The following IL7 variants were observed in gnomAD, a reference collection of about 807,000 sequenced individuals.
The protein encoded by IL7 is interleukin 7, also known as interleukin-7.
A neutral mutation model predicts 21.6 loss-of-function variants in IL7; 3 were observed. The observed-to-expected ratio is 0.14, with a 90% CI of 0.06 to 0.36. The LOEUF (loss-of-function observed/expected upper bound fraction) is 0.36. Among genes scored for constraint, IL7 ranks in the 10% least tolerant of loss-of-function variants. The pLI, the probability that IL7 is intolerant of heterozygous loss-of-function variation, is 1.00. For missense variants in IL7, 175 were observed against 200.2 expected, an observed-to-expected ratio of 0.87 and a Z score of 0.76; for synonymous variants, 62 against 68.1, an observed-to-expected ratio of 0.91 and a Z score of 0.44.
chr8:78,731,961 A>G (rs1210200889), downstream of IL7, among the ~76,000 whole-genome samples: 1 of 152,100 alleles, frequency 6.6e-6, no homozygotes, highest in Non-Finnish European at 1.5e-5. Flanking sequence ...TAACACTGTT[A>G]GGGAACATTA....
chr8:78,703,573 T>G (rs1454013516), intron 3 of IL7, among the ~76,000 whole-genome samples: 1 of 150,836 alleles, frequency 6.6e-6, no homozygotes, highest in East Asian at 1.9e-4. Context: ...TGGTTTAAAG[T>G]CTGTTTTATC....
At chr8:78,781,882 C>T (rs1813343800) in intron 2 of IL7, among the ~76,000 whole-genome samples, 2 of 152,190 alleles carry the variant, frequency 1.3e-5, no homozygotes, top group Admixed American at 1.3e-4. Flanking sequence ...TGTGGGTTTA[C>T]ATAATCCCAT....
At chr8:78,757,549 T>A (rs1369967138) in intron 2 of IL7, among the ~76,000 whole-genome samples, 1 of 152,102 alleles carries the variant, frequency 6.6e-6, no homozygotes, top group South Asian at 2.1e-4. Flanking sequence ...TAATATTTGC[T>A]TTATATATCT....
At chr8:78,786,070 C>T (rs765514419) in intron 2 of IL7, among the ~76,000 whole-genome samples, 3 of 152,154 alleles carry the variant, frequency 2.0e-5, no homozygotes, top group Non-Finnish European at 4.4e-5. Context: ...TCCTCATGTA[C>T]ATTGTGATAC....
intron 3 of IL7, among the ~76,000 whole-genome samples, chr8:78,697,943 G>T (rs1021371746): frequency 1.3e-5 from 2 of 152,088 alleles, no homozygotes; most frequent in Non-Finnish European, 2.9e-5. Context: ...CTCCTAAAGT[G>T]CTGAGATTAC....
chr8:78,721,520 C>G (rs1811237515), intron 3 of IL7: 1 of 152,016 alleles, frequency 6.6e-6, no homozygotes, highest in Non-Finnish European at 1.5e-5. Flanking sequence ...TCTCTTTTAT[C>G]TCTGCCCAAA....
intron 2 of IL7, chr8:78,760,043 C>T (rs1338846011): frequency 3.5e-6 from 4 of 1,128,030 alleles, no homozygotes; most frequent in Non-Finnish European, 4.8e-6. Context: ...TCAATGGAGT[C>T]CTATAGGCAA....
At chr8:78,678,832 T>A in intron 4 of IL7, 1 of 461,168 alleles carries the variant, frequency 2.2e-6, no homozygotes, top group Non-Finnish European at 3.6e-6. Flanking sequence ...ATGTTCAGTT[T>A]AGAAATTATC....
intron 3 of IL7, among the ~76,000 whole-genome samples, chr8:78,699,959 ATATT>A (rs1257341829): frequency 1.3e-5 from 2 of 152,096 alleles, no homozygotes; most frequent in African/African-American, 4.8e-5. Context: ...AGAATGATAT[ATATT>A]CTTCTGGGTA....
chr8:78,683,170 TTCTGGGG>T (rs77278444), intron 4 of IL7, among the ~76,000 whole-genome samples: 7,761 of 152,264 alleles, frequency 0.051, 269 homozygotes, highest in Middle Eastern at 0.075. Flanking sequence ...GGATCTACCA[TTCTGGGG>T]TCTGGAGGAT....
chr8:78,789,475 T>C (rs1378995191), intron 2 of IL7, among the ~76,000 whole-genome samples: 4 of 152,216 alleles, frequency 2.6e-5, no homozygotes, highest in African/African-American at 9.6e-5. Context: ...TTGATCCTTC[T>C]TTGGCTACTT....
At chr8:78,714,846 T>G (rs1361853850), downstream of IL7, among the ~76,000 whole-genome samples, 2 of 152,208 alleles carry the variant, frequency 1.3e-5, no homozygotes, top group Non-Finnish European at 2.9e-5. Context: ...CCTAGAATAA[T>G]GAAACTTGTT....
chr8:78,702,256 A>G (rs1810629007), intron 3 of IL7, among the ~76,000 whole-genome samples: 1 of 152,098 alleles, frequency 6.6e-6, no homozygotes, highest in Non-Finnish European at 1.5e-5. Flanking sequence ...GTTTATGTGT[A>G]TTGAGGTATT....
intron 2 of IL7, among the ~76,000 whole-genome samples, chr8:78,762,721 A>C (rs1221911618): frequency 6.6e-6 from 1 of 150,402 alleles, no homozygotes; most frequent in Non-Finnish European, 1.5e-5. Flanking sequence ...GCATTTTCTT[A>C]AGAACATTAT....
intron 6 of IL7, chr8:78,718,422 T>C (rs1468397081): frequency 6.6e-6 from 1 of 151,968 alleles, no homozygotes; most frequent in African/African-American, 2.4e-5. Flanking sequence ...TTTTAATGCA[T>C]CTTAAATCAC....
rs1296057417 is a variant in IL7, at chr8:78,760,149, T to A, written c.148-20067A>T. 6 of 1,514,586 alleles carry A rather than the reference T, an allele frequency of 4.0e-6. No homozygotes were observed. In the Admixed American group the frequency reaches 1.4e-4, roughly 35 times the overall value. 93.8% of individuals were successfully genotyped at this position (1,514,586 alleles called of 1,614,324 possible). A position where few individuals can be genotyped will look rare whatever the true frequency, so the allele number is the denominator to read the frequency against. On this transcript the variant is annotated intron_variant, in intron 2 of 5. Transcript: ENST00000263851. ...CCTGTTTTTAAAAGTCTCTTAGGTA[T>A]TTTCCACAGTTTCGGAATTATCTGT...
intron 4 of IL7, among the ~76,000 whole-genome samples, chr8:78,683,336 G>A (rs576733313): frequency 6.6e-6 from 1 of 152,332 alleles, no homozygotes; most frequent in South Asian, 2.1e-4. Flanking sequence ...TGGACATCCA[G>A]GTGTTTCCAT....
intron 2 of IL7, among the ~76,000 whole-genome samples, chr8:78,779,586 C>A (rs184122064): frequency 2.6e-5 from 4 of 152,150 alleles, no homozygotes; most frequent in Non-Finnish European, 4.4e-5. Flanking sequence ...AGAGATGAAG[C>A]CAACTTGATC....
chr8:78,722,167 G>A (rs1434975892), intron 3 of IL7, among the ~76,000 whole-genome samples: 1 of 151,766 alleles, frequency 6.6e-6, no homozygotes, highest in Non-Finnish European at 1.5e-5. Context: ...TTTTTAAAAA[G>A]CAAATAGGTT....
Sources: gnomAD v4.1 joint callset for allele counts (sites outside exome capture counted in the v4.1 genomes callset) on GRCh38, gnomAD v4.1.1 for gene constraint, MANE v1.5 for transcripts, NCBI Gene and HGNC (gene_info 2026-07-23, HGNC 2026-07-21) for gene names.